Variants in TGFBR1 observed in about 807,000 individuals in gnomAD.
TGFBR1 encodes the protein transforming growth factor beta receptor 1.
Under a neutral mutation model 55.1 loss-of-function variants are expected in TGFBR1, and 20 were observed. The ratio of observed to expected loss-of-function variants is 0.36; its 90% CI spans 0.26 to 0.53. The LOEUF is 0.53. Among genes scored for constraint, TGFBR1 ranks in the 20% least tolerant of loss-of-function variants. TGFBR1 has a pLI of 0.91. For missense variants in TGFBR1, 385 were observed against 617.6 expected (o/e 0.62, Z 3.99); for synonymous variants, 220 against 214.8 (o/e 1.02, Z -0.21).
At chr9:99,115,490 A>T (rs1247226741) in intron 1 of TGFBR1, among the ~76,000 whole-genome samples, 2 of 152,246 alleles carry the variant, frequency 1.3e-5, no homozygotes, top group African/African-American at 2.4e-5. Flanking sequence ...AACTAGGACT[A>T]ATATAGATAT....
Position 99,149,807 on chromosome 9 carries a change from T to C in TGFBR1, c.*502T>C, listed in dbSNP as rs201269197. On this transcript the variant is annotated 3_prime_UTR_variant, in exon 9 of 9. Transcript: ENST00000374994. ...TTCAGGATCTTAAAACTAACACTTA[T>C]AAAACTCTTATCTTGAGTCTAAAAA... 9.6e-5 allele frequency: 22 copies of C among 229,944 alleles called. No individual in the cohort carries two copies. Among genetic ancestry groups the C allele is most frequent in the Middle Eastern group, 1.4e-3 (1 of 736 alleles). 14.2% of individuals were successfully genotyped at this position (229,944 alleles called of 1,614,324 possible).
intron 4 of TGFBR1, among the ~76,000 whole-genome samples, chr9:99,138,555 G>C (rs1285108961): frequency 6.6e-6 from 1 of 152,294 alleles, no homozygotes; most frequent in Admixed American, 6.5e-5. Flanking sequence ...GTTGCCAAGG[G>C]CTAAATAGAT....
intron 7 of TGFBR1, among the ~76,000 whole-genome samples, chr9:99,147,349 T>C (rs1827827831): frequency 1.3e-5 from 2 of 152,200 alleles, no homozygotes; most frequent in Admixed American, 1.3e-4. Context: ...AGAATCTCAT[T>C]TGCTGCACAA....
At chr9:99,137,821 T>A in intron 3 of TGFBR1, 38 bp from the exon 4 acceptor site, 1 of 1,534,778 alleles carries the variant, frequency 6.5e-7, no homozygotes. Flanking sequence ...CATGTAATAT[T>A]GTTGATTGTG....
chr9:99,129,222 A>G (rs1827138665), intron 2 of TGFBR1, 122 bp downstream of exon 2: 1 of 1,121,676 alleles, frequency 8.9e-7, no homozygotes, highest in South Asian at 1.4e-5. Flanking sequence ...AGAGGCAAGA[A>G]GTGACTTGTC....
In TGFBR1 at chr9:99,150,847, T is replaced by G. The variant is rs776540727; in HGVS notation, c.*1542T>G. ...CTTCTTACATTAAGTTGAAACTAGCTTATAATAACTGGTTTTTACTTCCAA... is the reference window on the plus strand; with the variant it reads ...CTTCTTACATTAAGTTGAAACTAGCGTATAATAACTGGTTTTTACTTCCAA... On this transcript the variant is annotated 3_prime_UTR_variant, in exon 9 of 9. Transcript: ENST00000374994. 9.1e-6 allele frequency: 2 copies of G among 219,912 alleles called. No individual in the cohort carries two copies. Among genetic ancestry groups the G allele is most frequent in the Non-Finnish European group, 1.8e-5 (2 of 109,314 alleles). 13.6% of individuals were successfully genotyped at this position (219,912 alleles called of 1,614,324 possible). A position where few individuals can be genotyped will look rare whatever the true frequency, so the allele number is the denominator to read the frequency against.
chr9:99,116,544 T>C (rs1170153260), intron 1 of TGFBR1, among the ~76,000 whole-genome samples: 2 of 152,236 alleles, frequency 1.3e-5, no homozygotes, highest in Non-Finnish European at 2.9e-5. Flanking sequence ...TAGTGATTAT[T>C]GACTTACATA....
chr9:99,147,893 T>C, intron 8 of TGFBR1, 109 bp downstream of exon 8: 1 of 1,318,192 alleles, frequency 7.6e-7, no homozygotes, highest in Non-Finnish European at 1.1e-6. Flanking sequence ...ATTTTCTTTT[T>C]CATAGCAGTC....
rs560405505 is a variant in TGFBR1, at chr9:99,134,283, C to T, written c.574+1544C>T. Among the ~76,000 whole-genome samples the T allele has an allele frequency of 2.6e-5, 4 of 152,244 alleles. No individual in the cohort carries two copies. The South Asian group carries it at 6.2e-4, about 24-fold the overall frequency. The stretch of plus-strand genomic sequence containing the variant: ...ATGTATTCAATAAGAGAGCTCTCTC[C>T]TTGACTACTAGGACACACACAGGCT... On this transcript the variant is annotated intron_variant, in intron 3 of 8. Transcript: ENST00000374994.
Position 99,132,701 on chromosome 9 carries a change from A to C in TGFBR1, c.536A>C (p.Asp179Ala). The change falls in exon 3 of 9, where the codon GAC becomes GCC. Residue 179 changes from aspartate (D) to alanine (A), a missense_variant. Transcript: ENST00000374994. ...PFISEGTTLK[D>A]LIYDMTTSGS... ...ATTTCAGAGGGTACTACGTTGAAAG[A>C]CTTAATTTATGATATGACAACGTCA... 1 of 1,614,176 alleles carries C rather than the reference A, an allele frequency of 6.2e-7. No individual in the cohort carries two copies. The highest frequency in any genetic ancestry group is 1.1e-5 in the South Asian group (1 of 91,088).
intron 3 of TGFBR1, among the ~76,000 whole-genome samples, chr9:99,134,850 ATAT>A: frequency 9.4e-6 from 1 of 106,468 alleles, no homozygotes; most frequent in Admixed American, 9.9e-5. Flanking sequence ...ATATATATAT[ATAT>A]TTCTAGATCC....
chr9:99,112,315 A>G (rs1180826535), intron 1 of TGFBR1, among the ~76,000 whole-genome samples: 1 of 151,244 alleles, frequency 6.6e-6, no homozygotes, highest in Non-Finnish European at 1.5e-5. Context: ...CTCTTCCCTC[A>G]CATACCTGCA....
At chr9:99,141,992 A>T (rs549238683) in intron 4 of TGFBR1, among the ~76,000 whole-genome samples, 2 of 152,274 alleles carry the variant, frequency 1.3e-5, no homozygotes, top group African/African-American at 4.8e-5. Flanking sequence ...AATCATAATC[A>T]TCTTGTCTTG....
chr9:99,132,389 T>C (rs890554175), intron 2 of TGFBR1, 120 bp from the exon 3 acceptor site: 114 of 1,526,602 alleles, frequency 7.5e-5, no homozygotes, highest in Non-Finnish European at 9.7e-5. Context: ...AATGAGGCTC[T>C]TTGGCTAAGT....
intron 1 of TGFBR1, among the ~76,000 whole-genome samples, chr9:99,111,956 G>A (rs149345067): frequency 2.0e-5 from 3 of 152,192 alleles, no homozygotes; most frequent in African/African-American, 4.8e-5. Flanking sequence ...CTTGCAGGAG[G>A]ATAGGGCTTT....
intron 1 of TGFBR1, among the ~76,000 whole-genome samples, chr9:99,119,747 A>C (rs1826845523): frequency 6.6e-6 from 1 of 152,226 alleles, no homozygotes; most frequent in Non-Finnish European, 1.5e-5. Flanking sequence ...GTGTGTGCCT[A>C]CTGCTACTGT....
intron 5 of TGFBR1, among the ~76,000 whole-genome samples, chr9:99,143,624 T>C (rs984897188): frequency 2.0e-5 from 3 of 152,152 alleles, no homozygotes; most frequent in African/African-American, 7.2e-5. Flanking sequence ...TTTGTAGTTA[T>C]TATTATTATT....
Position 99,149,639 on chromosome 9 carries a change from C to A in TGFBR1, c.*334C>A. The A allele has an allele frequency of 2.8e-6, 1 of 363,120 alleles. No individual in the cohort carries two copies. The highest frequency in any genetic ancestry group is 3.4e-5 in the South Asian group (1 of 29,542). The allele number at this position is 363,120 out of a possible 1,614,324, so 22.5% of individuals were successfully genotyped here. A position where few individuals can be genotyped will look rare whatever the true frequency, so the allele number is the denominator to read the frequency against. On this transcript the variant is annotated 3_prime_UTR_variant, in exon 9 of 9. Transcript: ENST00000374994. The stretch of plus-strand genomic sequence containing the variant: ...CTGTGCTGGAGATCATCTTTAAGGG[C>A]AAAGGAGTTGGATTGCTGAATTACA...
At chr9:99,107,148 C>G (rs547586714) in intron 1 of TGFBR1, among the ~76,000 whole-genome samples, 1 of 152,308 alleles carries the variant, frequency 6.6e-6, no homozygotes, top group African/African-American at 2.4e-5. Flanking sequence ...ATGGTATGCA[C>G]AAAATACAAA....
Sources: gnomAD v4.1 joint callset for allele counts (sites outside exome capture counted in the v4.1 genomes callset) on GRCh38, gnomAD v4.1.1 for gene constraint, MANE v1.5 for transcripts, NCBI Gene and HGNC (gene_info 2026-07-23, HGNC 2026-07-21) for gene names.